PPARGC1B: variants seen among roughly 807,000 people sequenced by gnomAD.
The protein encoded by PPARGC1B is PPARG coactivator 1 beta.
A neutral mutation model predicts 101.6 loss-of-function variants in PPARGC1B; 34 were observed. That is an observed-to-expected ratio of 0.33 (90% CI 0.25 to 0.45). The LOEUF is 0.45. PPARGC1B is among the 20% of genes least tolerant of loss of function. PPARGC1B has a pLI of 1.00. For synonymous variants in PPARGC1B, 548 were observed against 539.3 expected (o/e 1.02, Z -0.22); for missense variants, 1,234 against 1,317.6 (o/e 0.94, Z 0.98).
At position 149,836,806 on chromosome 5, in the gene PPARGC1B, A is replaced by T; in HGVS notation, c.2351A>T (p.Lys784Met). 6.2e-7 allele frequency: 1 copy of T among 1,613,562 alleles called. No homozygotes were observed. The highest frequency in any genetic ancestry group is 2.2e-5 in the East Asian group (1 of 44,882). ...GAGGAGGAAGACCTGGCCTCCTGCA[A>T]GAGCCCTGAGTATGACACTGTCTTT... is the stretch of plus-strand genomic sequence containing the variant. Reference protein sequence around the residue: ...ALEEEDLASCKSPEYDTVFED... With the variant: ...ALEEEDLASCMSPEYDTVFED... The change falls in exon 8 of 12, where the codon AAG becomes ATG. Residue 784 changes from lysine (K) to methionine (M), a missense_variant. Transcript: ENST00000309241.
rs775826136 is a variant in PPARGC1B at position 149,833,423 on chromosome 5, G to A, written c.1350G>A (p.Glu450=). ...AAGAAGAAAAAGAGGAGGAGGAGGA[G>A]TGGGGCAGGAAAAGGCCAGGCCGAG... ...EEEEEKEEEE[E]WGRKRPGRGL... is the part of the protein sequence containing the mutation. The change falls in exon 5 of 12, where the codon GAG becomes GAA. Residue 450 remains glutamate (E), a synonymous_variant. Transcript: ENST00000309241. This position sits in a 1 kb window ranked among gnomAD's most constrained non-coding sequence, Gnocchi z 4.1. 5 of 1,590,560 alleles carry A rather than the reference G, an allele frequency of 3.1e-6. No homozygotes were observed. The highest frequency in any genetic ancestry group is 2.3e-5 in the East Asian group (1 of 43,482).
intron 1 of PPARGC1B, among the ~76,000 whole-genome samples, chr5:149,749,671 A>G (rs1013295267): frequency 6.6e-6 from 1 of 152,194 alleles, no homozygotes; most frequent in South Asian, 2.1e-4. Context: ...CTGTGCTGGA[A>G]AGAAGAGTGT....
intron 1 of PPARGC1B, among the ~76,000 whole-genome samples, chr5:149,769,464 G>C (rs906212658): frequency 6.6e-6 from 1 of 152,172 alleles, no homozygotes; most frequent in East Asian, 1.9e-4. Flanking sequence ...CCACTGATTC[G>C]GGGAGCTCAT....
At chr5:149,784,142 T>G (rs1756697711) in intron 1 of PPARGC1B, among the ~76,000 whole-genome samples, 1 of 151,986 alleles carries the variant, frequency 6.6e-6, no homozygotes, top group South Asian at 2.1e-4. Flanking sequence ...TTCTTCTACT[T>G]GGGTTGCTAT....
chr5:149,771,603 A>G (rs1756133436), intron 1 of PPARGC1B, among the ~76,000 whole-genome samples: 1 of 152,256 alleles, frequency 6.6e-6, no homozygotes, highest in Non-Finnish European at 1.5e-5. Context: ...TAAGGCATAG[A>G]GTAACAGGAG....
intron 3 of PPARGC1B, 128 bp downstream of exon 3, chr5:149,827,013 C>T (rs1758557222): frequency 2.6e-6 from 2 of 765,032 alleles, no homozygotes; most frequent in African/African-American, 3.5e-5. Flanking sequence ...CAATATTGAT[C>T]ACAGCAGAGA....
At position 149,801,420 on chromosome 5, in the gene PPARGC1B, G is replaced by A. The variant is rs562488710; in HGVS notation, c.79-19013G>A. Among the ~76,000 whole-genome samples the A allele has an allele frequency of 7.9e-5, 12 of 152,322 alleles. No homozygotes were observed. The South Asian group carries it at 2.3e-3, about 29-fold the overall frequency. On this transcript the variant is annotated intron_variant, in intron 1 of 11. Coordinates refer to ENST00000309241, the MANE Select transcript of PPARGC1B (RefSeq NM_133263.4). Reference sequence around the variant, plus strand: ...TAGGCAAAGCCTTTATGTGTGGGAAGCGTGTTCCGGGAGAGGGAACAGCAT... The same window carrying A: ...TAGGCAAAGCCTTTATGTGTGGGAAACGTGTTCCGGGAGAGGGAACAGCAT...
Position 149,847,464 on chromosome 5 carries a change from A to G in PPARGC1B, c.2978A>G (p.Asn993Ser). ...TCTTCACCCCCATGCCCAGATTCCA[A>G]TTCAGAAGAGGCCCTTCCTGCGTCA... Reference protein sequence around the residue: ...CWPRYTDYDSNSEEALPASGK... With the variant: ...CWPRYTDYDSSSEEALPASGK... The change falls in exon 12 of 12, where the codon AAT becomes AGT. Residue 993 changes from asparagine (N) to serine (S), a missense_variant. By Grantham distance (46) the Asn-to-Ser change is conservative. Coordinates refer to ENST00000309241, the MANE Select transcript of PPARGC1B (RefSeq NM_133263.4). 1.9e-6 allele frequency: 3 copies of G among 1,613,844 alleles called. No homozygotes were observed. The highest frequency in any genetic ancestry group is 2.5e-6 in the Non-Finnish European group (3 of 1,179,768).
chr5:149,836,903 G>C lies in PPARGC1B; in HGVS notation c.2448G>C (p.Glu816Asp). ...AGGAAGAGGAAGAAGGGGAGGAGGA[G>C]GAGGAGGACGATGAAGAAGAGGACT... ...PEEEEEEGEE[E>D]EEDDEEEDSG... The change falls in exon 8 of 12, where the codon GAG becomes GAC. Residue 816 changes from glutamate to aspartate, a missense_variant. Physicochemically the swap from Glu to Asp is conservative, Grantham distance 45 (BLOSUM62 2). This residue lies in a region of PPARGC1B where 497 missense variants were observed against 529.5 expected (regional missense o/e 0.94). Coordinates refer to ENST00000309241, the MANE Select transcript of PPARGC1B (RefSeq NM_133263.4). 1 of 1,613,442 alleles carries C rather than the reference G, an allele frequency of 6.2e-7. No homozygotes were observed. Among genetic ancestry groups the C allele is most frequent in the Non-Finnish European group, 8.5e-7 (1 of 1,179,980 alleles).
intron 1 of PPARGC1B, among the ~76,000 whole-genome samples, chr5:149,806,693 C>T (rs1027283867): frequency 6.6e-6 from 1 of 150,390 alleles, no homozygotes; most frequent in Non-Finnish European, 1.5e-5. Flanking sequence ...CTGCAACCTC[C>T]GCCTCCTGGG....
chr5:149,754,057 T>C (rs558971801), intron 1 of PPARGC1B, among the ~76,000 whole-genome samples: 1 of 152,360 alleles, frequency 6.6e-6, no homozygotes, highest in African/African-American at 2.4e-5. Flanking sequence ...TATATCAGTT[T>C]ATGTTTCTGT....
At chr5:149,757,509 C>T (rs544793305) in intron 1 of PPARGC1B, among the ~76,000 whole-genome samples, 2 of 152,164 alleles carry the variant, frequency 1.3e-5, no homozygotes, top group Non-Finnish European at 2.9e-5. Flanking sequence ...TCTACAAGGC[C>T]TCGATAAGTG....
chr5:149,831,017 G>A (rs1758763043), intron 4 of PPARGC1B, 134 bp downstream of exon 4: 1 of 699,576 alleles, frequency 1.4e-6, no homozygotes, highest in Non-Finnish European at 2.6e-6. Flanking sequence ...TGTAGCTGGT[G>A]TCCTGGGCAC....
intron 1 of PPARGC1B, among the ~76,000 whole-genome samples, chr5:149,809,079 C>G (rs372967207): frequency 1.2e-4 from 18 of 151,240 alleles, no homozygotes; most frequent in African/African-American, 4.1e-4. Flanking sequence ...AGTTTGAGAC[C>G]GGCCTGGACA....
intron 1 of PPARGC1B, among the ~76,000 whole-genome samples, chr5:149,812,452 G>A (rs530300673): frequency 3.3e-5 from 5 of 152,294 alleles, no homozygotes; most frequent in Non-Finnish European, 7.3e-5. Flanking sequence ...TAAGGTAAGA[G>A]AGATGAATAA....
chr5:149,840,538 T>G (rs986077600), intron 9 of PPARGC1B, among the ~76,000 whole-genome samples: 3 of 152,148 alleles, frequency 2.0e-5, no homozygotes, highest in Non-Finnish European at 4.4e-5. Flanking sequence ...TTTCCTCATT[T>G]GTACGTAAGG....
intron 1 of PPARGC1B, among the ~76,000 whole-genome samples, chr5:149,774,870 T>G (rs1482769267): frequency 6.6e-6 from 1 of 152,224 alleles, no homozygotes; most frequent in East Asian, 1.9e-4. Context: ...CTTTGGGAGT[T>G]GAGAGCATTT....
intron 1 of PPARGC1B, among the ~76,000 whole-genome samples, chr5:149,792,273 C>T (rs184238430): frequency 2.0e-3 from 312 of 152,258 alleles, no homozygotes; most frequent in Non-Finnish European, 2.7e-3. Context: ...CCTCCAGTGT[C>T]CCAGGGGAGA....
intron 3 of PPARGC1B, among the ~76,000 whole-genome samples, chr5:149,830,057 A>AAAAAAAAAAG (rs1758709248): frequency 1.6e-5 from 1 of 62,546 alleles, no homozygotes; most frequent in African/African-American, 8.6e-5. Context: ...AAAAAAAAGA[A>AAAAAAAAAAG]AAAAAAAAAA....
Sources: allele counts gnomAD v4.1 joint callset (sites outside exome capture counted in the v4.1 genomes callset), GRCh38; gene constraint gnomAD v4.1.1; regional missense constraint gnomAD v4.1.1; non-coding constraint Gnocchi (gnomAD v3.1); transcripts MANE v1.5; gene names NCBI Gene and HGNC (gene_info 2026-07-23, HGNC 2026-07-21).